COL14A1: variants seen among roughly 807,000 people sequenced by gnomAD.
COL14A1 encodes collagen type XIV alpha 1 chain.
In COL14A1, 136 loss-of-function variants were observed where a neutral mutation model predicts 230.3. The observed-to-expected ratio is 0.59, with a 90% CI of 0.51 to 0.68. The LOEUF (loss-of-function observed/expected upper bound fraction) is 0.68. Among genes scored for constraint, COL14A1 ranks in the 30% least tolerant of loss-of-function variants. The pLI, the probability that COL14A1 is intolerant of heterozygous loss-of-function variation, is 0.00. For synonymous variants in COL14A1, 792 were observed against 784.1 expected (o/e 1.01, Z -0.17); for missense variants, 1,976 against 2,215.8 (o/e 0.89, Z 2.17).
At chr8:120,268,558 T>A (rs1309597551) in intron 25 of COL14A1, among the ~76,000 whole-genome samples, 1 of 151,740 alleles carries the variant, frequency 6.6e-6, no homozygotes. Flanking sequence ...TTCATCATGA[T>A]GGTTTAGATG....
At chr8:120,315,678 C>T in intron 39 of COL14A1, 92 bp downstream of exon 39, 6 of 1,096,500 alleles carry the variant, frequency 5.5e-6, no homozygotes, top group Non-Finnish European at 8.1e-6. Flanking sequence ...CAGTTGTGAT[C>T]TTGGTAAGTG....
chr8:120,312,932 CTG>C (rs746614557), intron 37 of COL14A1, among the ~76,000 whole-genome samples: 1 of 152,104 alleles, frequency 6.6e-6, no homozygotes, highest in Non-Finnish European at 1.5e-5. Context: ...ACAGAAGAGA[CTG>C]AGGATAGGTA....
chr8:120,356,086 C>A (rs1479947338), intron 45 of COL14A1, among the ~76,000 whole-genome samples: 1 of 152,130 alleles, frequency 6.6e-6, no homozygotes, highest in Non-Finnish European at 1.5e-5. Context: ...GCTGAGGGTA[C>A]AAACTGGAAG....
chr8:120,359,200 A>G (rs1045067746), intron 45 of COL14A1, among the ~76,000 whole-genome samples: 6 of 151,756 alleles, frequency 4.0e-5, no homozygotes, highest in Non-Finnish European at 7.4e-5. Flanking sequence ...TGCATTAGAT[A>G]TTTGTCCTAA....
chr8:120,238,979 G>T (rs182570635), intron 19 of COL14A1, among the ~76,000 whole-genome samples: 26 of 152,294 alleles, frequency 1.7e-4, no homozygotes, highest in African/African-American at 5.8e-4. Context: ...CGGTACCTCA[G>T]TTGGAAATAC....
intron 45 of COL14A1, among the ~76,000 whole-genome samples, chr8:120,361,878 AG>A (rs1823232455): frequency 6.6e-6 from 1 of 152,230 alleles, no homozygotes; most frequent in African/African-American, 2.4e-5. Flanking sequence ...AATAGGAAAC[AG>A]ACAACCAAGG....
At position 120,369,340 on chromosome 8, in the gene COL14A1, G is replaced by A; in HGVS notation, c.5166G>A (p.Gly1722=). 2 of 1,586,262 alleles carry A rather than the reference G, an allele frequency of 1.3e-6. No individual in the cohort carries two copies. Among genetic ancestry groups the A allele is most frequent in the South Asian group, 2.3e-5 (2 of 86,702 alleles). The change falls in exon 47 of 48, where the codon GGG becomes GGA. Residue 1722 remains glycine (G), a synonymous_variant. Coordinates refer to ENST00000297848, the MANE Select transcript of COL14A1 (RefSeq NM_021110.4). ...GTGGGTACTTCTTAGGACCTTCAGG[G>A]GAGAGTCGGCCTGGCAGCCCTGGGC... ...RGPPGPAGPS[G]ESRPGSPGPP...
At chr8:120,141,199 C>T (rs994570722) in intron 1 of COL14A1, among the ~76,000 whole-genome samples, 2 of 152,164 alleles carry the variant, frequency 1.3e-5, no homozygotes, top group Non-Finnish European at 2.9e-5. Flanking sequence ...TGAAATTTCA[C>T]TTCTCCCAAT....
intron 4 of COL14A1, among the ~76,000 whole-genome samples, chr8:120,166,906 G>GTGTGTGTA (rs1425388302): frequency 2.7e-5 from 4 of 149,518 alleles, no homozygotes; most frequent in Admixed American, 6.6e-5. Flanking sequence ...GTGTGTGTGT[G>GTGTGTGTA]TGTGTGTGTG....
At chr8:120,222,815 G>A (rs1817972087) in intron 14 of COL14A1, among the ~76,000 whole-genome samples, 1 of 152,048 alleles carries the variant, frequency 6.6e-6, no homozygotes, top group South Asian at 2.1e-4. Flanking sequence ...AACTAAACAA[G>A]TTCTTGCCCT....
At chr8:120,349,860 T>C (rs1351699592) in intron 45 of COL14A1, among the ~76,000 whole-genome samples, 5 of 146,482 alleles carry the variant, frequency 3.4e-5, no homozygotes, top group African/African-American at 7.8e-5. Context: ...GGCAGGCCAA[T>C]GTTCAGATTC....
At chr8:120,273,545 C>T (rs943869230) in intron 26 of COL14A1, among the ~76,000 whole-genome samples, 1 of 151,590 alleles carries the variant, frequency 6.6e-6, no homozygotes, top group Non-Finnish European at 1.5e-5. Context: ...AGACCATTAG[C>T]TGGTTTAACC....
intron 22 of COL14A1, 84 bp from the exon 23 acceptor site, chr8:120,255,156 A>AT (rs1819103168): frequency 9.3e-7 from 1 of 1,071,940 alleles, no homozygotes; most frequent in Non-Finnish European, 1.4e-6. Flanking sequence ...TTGAATGAAA[A>AT]TTTTTCCAGA....
chr8:120,367,231 G>T lies in COL14A1; in HGVS notation c.5138G>T (p.Gly1713Val). 6.2e-7 allele frequency: 1 copy of T among 1,613,234 alleles called. No individual in the cohort carries two copies. The highest frequency in any genetic ancestry group is 8.5e-7 in the Non-Finnish European group (1 of 1,179,610). ...GGCGTTGGAACCCAAGGTCCAAGAG[G>T]CCCCCCTGGACCAGCAGGTAAATCT... ...NPGVGTQGPR[G>V]PPGPAGPSGE... Residue 1713 changes from glycine (G) to valine (V), a missense_variant, in exon 46 of 48, where the codon GGC (glycine) becomes GTC (valine). This residue lies in a region of COL14A1 where 1,791 missense variants were observed against 2,019.5 expected (regional missense o/e 0.89). Transcript: ENST00000297848.
chr8:120,125,086 C>T (rs762442810), upstream of COL14A1: 1 of 152,436 alleles, frequency 6.6e-6, no homozygotes, highest in Non-Finnish European at 1.5e-5. Context: ...AATTGGCTGC[C>T]GGCGGGCCTT....
At chr8:120,249,757 A>G (rs1818881441) in intron 21 of COL14A1, among the ~76,000 whole-genome samples, 1 of 152,236 alleles carries the variant, frequency 6.6e-6, no homozygotes, top group South Asian at 2.1e-4. Context: ...AGTGAGGCTG[A>G]GAAATCCTGT....
Position 120,208,288 on chromosome 8 carries a change from T to C in COL14A1, c.1248T>C (p.Thr416=), listed in dbSNP as rs767393977. 4 of 1,613,728 alleles carry C rather than the reference T, an allele frequency of 2.5e-6. No homozygotes were observed. Among genetic ancestry groups the C allele is most frequent in the Middle Eastern group, 1.7e-4 (1 of 6,060 alleles). The change falls in exon 11 of 48, where the codon ACT becomes ACC. Residue 416 remains threonine, a synonymous_variant. Coordinates refer to ENST00000297848, the MANE Select transcript of COL14A1 (RefSeq NM_021110.4). ...TGTTGAAAAACTTGATGTCTTTAAC[T>C]GAATATCAGATAGCAGTCTTTGCAA... is the stretch of plus-strand genomic sequence containing the variant. ...STVLKNLMSL[T]EYQIAVFAIY... is the part of the protein sequence containing the mutation.
Position 120,300,522 on chromosome 8 carries a change from A to G in COL14A1, c.4315-210A>G, listed in dbSNP as rs150334764. On this transcript the variant is annotated intron_variant, in intron 35 of 47. Transcript: ENST00000297848. ...TCCCAAGCTGGTTTTAGCAACACCC[A>G]TTGATAATAGTGATTATCAGTGACT... Among the ~76,000 whole-genome samples the G allele has an allele frequency of 3.2e-3, 489 of 152,184 alleles. 2 individuals are homozygous for G. The highest frequency in any genetic ancestry group is 0.031 in the Middle Eastern group (9 of 294).
chr8:120,175,947 T>G (rs1206907316), intron 5 of COL14A1, among the ~76,000 whole-genome samples: 1 of 152,170 alleles, frequency 6.6e-6, no homozygotes, highest in South Asian at 2.1e-4. Flanking sequence ...CCTCTTATAC[T>G]CCCATATTTG....
Sources: allele counts gnomAD v4.1 joint callset (sites outside exome capture counted in the v4.1 genomes callset), GRCh38; gene constraint gnomAD v4.1.1; regional missense constraint gnomAD v4.1.1; transcripts MANE v1.5; gene names NCBI Gene and HGNC (gene_info 2026-07-23, HGNC 2026-07-21).